The following LGALS14 variants were observed in gnomAD, a reference collection of about 807,000 sequenced individuals.
LGALS14 encodes galectin 14.
Under a neutral mutation model 14.6 loss-of-function variants are expected in LGALS14, and 14 were observed. The observed-to-expected ratio is 0.96, with a 90% confidence interval of 0.64 to 1.50. The LOEUF is 1.50. Ranked by LOEUF, LGALS14 falls within the 40% of genes most tolerant of loss-of-function variation. The pLI is 0.00. For missense variants in LGALS14, 180 were observed against 172.0 expected (o/e 1.05, Z -0.26); for synonymous variants, 57 against 63.9 (o/e 0.89, Z 0.51).
intron 3 of LGALS14, 84 bp downstream of exon 3, chr19:39,707,472 T>C (rs1973733008): frequency 1.9e-6 from 2 of 1,066,236 alleles, no homozygotes; most frequent in South Asian, 2.6e-5. Context: ...GTGCCACCAG[T>C]CCCTTGGGGC....
At chr19:39,706,452 T>C in intron 1 of LGALS14, 145 bp from the exon 2 acceptor site, 1 of 655,866 alleles carries the variant, frequency 1.5e-6, no homozygotes, top group Non-Finnish European at 2.8e-6. Flanking sequence ...TTCAGGAATA[T>C]GGGGCCCTGA....
intron 3 of LGALS14, among the ~76,000 whole-genome samples, chr19:39,708,718 C>A (rs948655161): frequency 6.6e-6 from 1 of 152,112 alleles, no homozygotes; most frequent in Non-Finnish European, 1.5e-5. Context: ...CTCTAAGAAC[C>A]CTGGGTTTCA....
intron 3 of LGALS14, 130 bp from the exon 4 acceptor site, chr19:39,709,067 G>A: frequency 1.4e-6 from 1 of 711,432 alleles, no homozygotes; most frequent in Non-Finnish European, 2.6e-6. Context: ...ACAGAAGTGT[G>A]TCTACTAGGT....
chr19:39,704,672 T>TCTTCTACACACCCAC, intron 1 of LGALS14, 129 bp downstream of exon 1: 2 of 852,450 alleles, frequency 2.3e-6, no homozygotes, highest in Non-Finnish European at 3.8e-6. Flanking sequence ...TGTGGGTGTG[T>TCTTCTACACACCCAC]AGAAGAGAAA....
intron 1 of LGALS14, among the ~76,000 whole-genome samples, chr19:39,705,022 A>G (rs1973694135): frequency 1.3e-5 from 2 of 152,024 alleles, no homozygotes; most frequent in African/African-American, 4.8e-5. Flanking sequence ...GTGACTGGGT[A>G]TTGAAGGGAA....
intron 3 of LGALS14, among the ~76,000 whole-genome samples, chr19:39,707,950 C>G (rs977383974): frequency 2.6e-5 from 4 of 152,142 alleles, no homozygotes; most frequent in African/African-American, 9.7e-5. Flanking sequence ...GCCGGAATTA[C>G]AGGTGCATGC....
intron 3 of LGALS14, 22 bp downstream of exon 3, chr19:39,707,410 A>T: frequency 6.3e-7 from 1 of 1,595,056 alleles, no homozygotes. Context: ...AGGATCTTCC[A>T]GCGCTGGAGC....
chr19:39,709,152 T>A (rs1433070272), intron 3 of LGALS14, 45 bp from the exon 4 acceptor site: 1 of 1,215,148 alleles, frequency 8.2e-7, no homozygotes, highest in Admixed American at 1.7e-5. Context: ...GCTGAAAACC[T>A]GTTTGGTGGC....
At chr19:39,706,494 A>G in intron 1 of LGALS14, 103 bp from the exon 2 acceptor site, 1 of 812,522 alleles carries the variant, frequency 1.2e-6, no homozygotes, top group Non-Finnish European at 2.1e-6. Flanking sequence ...GAGGCCTCAG[A>G]GTCTGACCTT....
Position 39,709,212 on chromosome 19 carries a change from C to T in LGALS14, c.319C>T (p.Gln107Ter). ...HKEYKVMVNG[Q>*]RIYNFAHRFP... Reference sequence around the variant, plus strand: ...CCTCTTGTAGGTAATGGTAAATGGCCAACGCATTTACAACTTTGCCCATCG... The same window carrying T: ...CCTCTTGTAGGTAATGGTAAATGGCTAACGCATTTACAACTTTGCCCATCG... Residue 107 changes from glutamine (Q) to a stop codon, truncating the protein, a stop_gained, in exon 4 of 4, where the codon CAA (glutamine) becomes TAA (stop). Transcript: ENST00000392052. LOFTEE classifies it low-confidence loss of function (END_TRUNC). 1 of 1,611,218 alleles carries T rather than the reference C, an allele frequency of 6.2e-7. No homozygotes were observed. The highest frequency in any genetic ancestry group is 8.5e-7 in the Non-Finnish European group (1 of 1,177,498).
At chr19:39,707,043 A>T in intron 2 of LGALS14, 135 bp from the exon 3 acceptor site, 1 of 705,448 alleles carries the variant, frequency 1.4e-6, no homozygotes, top group Non-Finnish European at 2.5e-6. Flanking sequence ...AAGCGTCCCC[A>T]CAGGGACCAG....
Position 39,704,866 on chromosome 19 carries a change from G to A in LGALS14, c.15+323G>A, listed in dbSNP as rs188686390. On this transcript the variant is annotated intron_variant, in intron 1 of 3. Transcript: ENST00000392052. ...TGTGTGAGTGAGTGTAAGGGGGTGA[G>A]TGTGCTTTGTCTTCCTGTCTGTGAT... 3.3e-5 allele frequency among the ~76,000 whole-genome samples: 5 copies of A among 152,288 alleles called. No homozygotes were observed. In the East Asian group the frequency reaches 7.7e-4, roughly 24 times the overall value.
rs1352154105 is a variant in LGALS14 at position 39,706,160 on chromosome 19, A to T, written c.16-437A>T. On this transcript the variant is annotated intron_variant, in intron 1 of 3. Coordinates refer to ENST00000392052, the MANE Select transcript of LGALS14 (RefSeq NM_020129.3). ...TTCTGAGTTGAAAATAAGGCAGGTC[A>T]GTGTTTCAGGAGGACTCCCCTGTTC... The T allele has an allele frequency of 7.7e-6, 9 of 1,162,666 alleles. No homozygotes were observed. The East Asian group carries it at 2.3e-4, about 30-fold the overall frequency. The allele number at this position is 1,162,666 out of a possible 1,614,324, so 72.0% of individuals were successfully genotyped here.
chr19:39,706,769 A>T, intron 2 of LGALS14, 96 bp downstream of exon 2: 3 of 1,089,786 alleles, frequency 2.8e-6, no homozygotes, highest in Non-Finnish European at 4.2e-6. Context: ...GGAAAACTCT[A>T]GTTGGCATAA....
rs1406500407 is a variant in LGALS14 at position 39,706,800 on chromosome 19, A to G, written c.92+127A>G. ...CATAATGAAGGCCTCATGCAAGTGC[A>G]GGCCCTGGAGACCTTCCAGCAACAG... On this transcript the variant is annotated intron_variant, in intron 2 of 3. Coordinates refer to ENST00000392052, the MANE Select transcript of LGALS14 (RefSeq NM_020129.3). The G allele has an allele frequency of 1.4e-5, 11 of 806,460 alleles. No homozygotes were observed. The East Asian group carries it at 2.2e-4, about 16-fold the overall frequency. The allele number at this position is 806,460 out of a possible 1,614,324, so 50.0% of individuals were successfully genotyped here. A position where few individuals can be genotyped will look rare whatever the true frequency, so the allele number is the denominator to read the frequency against.
At chr19:39,705,072 C>A (rs1258781972) in intron 1 of LGALS14, among the ~76,000 whole-genome samples, 1 of 152,076 alleles carries the variant, frequency 6.6e-6, no homozygotes, top group African/African-American at 2.4e-5. Flanking sequence ...AGGTTCCTCC[C>A]CACACAGCAG....
intron 1 of LGALS14, chr19:39,706,005 T>C (rs932497892): frequency 5.0e-6 from 8 of 1,613,766 alleles, no homozygotes; most frequent in Admixed American, 3.3e-5. Flanking sequence ...CCCTTGATGA[T>C]TGTGGTGCGT....
rs769627330 is a variant in LGALS14 at position 39,704,522 on chromosome 19, G to C, written c.-7G>C. The stretch of plus-strand genomic sequence containing the variant: ...AATTCCGAAGAGCTGCCCAGAAGGA[G>C]AGAACAATGTCATCACTACCCGTGA... On this transcript the variant is annotated 5_prime_UTR_variant, in exon 1 of 4. Coordinates refer to ENST00000392052, the MANE Select transcript of LGALS14 (RefSeq NM_020129.3). 5.0e-6 allele frequency: 8 copies of C among 1,613,734 alleles called. No individual in the cohort carries two copies. The highest frequency in any genetic ancestry group is 4.5e-5 in the East Asian group (2 of 44,786).
chr19:39,707,138 TG>T, intron 2 of LGALS14, 39 bp from the exon 3 acceptor site: 5 of 1,491,020 alleles, frequency 3.4e-6, no homozygotes, highest in South Asian at 1.1e-5. Flanking sequence ...GTCTGCACAA[TG>T]GGGGGACCTG....
Sources: gnomAD v4.1 joint callset for allele counts (sites outside exome capture counted in the v4.1 genomes callset) on GRCh38, gnomAD v4.1.1 for gene constraint, MANE v1.5 for transcripts, NCBI Gene and HGNC (gene_info 2026-07-23, HGNC 2026-07-21) for gene names.